The following AJAP1 variants were observed in gnomAD, a reference collection of about 807,000 sequenced individuals.
AJAP1 encodes adherens junctions associated protein 1.
In AJAP1, 5 loss-of-function variants were observed where a neutral mutation model predicts 35.0. That is an observed-to-expected ratio of 0.14 (90% CI 0.07 to 0.30). The LOEUF (loss-of-function observed/expected upper bound fraction) is 0.30. Ranked by LOEUF, AJAP1 falls within the 10% of genes least tolerant of loss-of-function variation. AJAP1 has a pLI of 1.00. For synonymous variants in AJAP1, 284 were observed against 249.3 expected (o/e 1.14, Z -1.31); for missense variants, 586 against 571.0 (o/e 1.03, Z -0.27).
intron 1 of AJAP1, among the ~76,000 whole-genome samples, chr1:4,689,244 C>T (rs1302829921): frequency 1.3e-5 from 2 of 152,248 alleles, no homozygotes; most frequent in Admixed American, 6.5e-5. Context: ...ATCAGAACGA[C>T]GCGCCTGGTA....
chr1:4,673,448 T>G (rs1639290524), intron 1 of AJAP1, among the ~76,000 whole-genome samples: 2 of 152,220 alleles, frequency 1.3e-5, no homozygotes, highest in Non-Finnish European at 2.9e-5. Context: ...CTCATGCTTG[T>G]TTCCAAAATT....
intron 2 of AJAP1, among the ~76,000 whole-genome samples, chr1:4,735,052 C>T (rs555047101): frequency 8.5e-5 from 13 of 152,336 alleles, no homozygotes; most frequent in South Asian, 4.1e-4. Flanking sequence ...GTATGAGCTC[C>T]GCGTGCTTGG....
At chr1:4,769,792 C>T in intron 2 of AJAP1, 61 bp from the exon 3 acceptor site, 3 of 1,438,416 alleles carry the variant, frequency 2.1e-6, no homozygotes, top group Non-Finnish European at 2.9e-6. Context: ...CCTTTCCCGG[C>T]CCCCCTCGCC....
At chr1:4,739,405 G>A (rs913093565) in intron 2 of AJAP1, among the ~76,000 whole-genome samples, 3 of 152,208 alleles carry the variant, frequency 2.0e-5, no homozygotes, top group Non-Finnish European at 4.4e-5. Flanking sequence ...GAAGCCCACT[G>A]TTGGCAATGC....
intron 1 of AJAP1, among the ~76,000 whole-genome samples, chr1:4,677,277 C>G (rs1639382169): frequency 6.6e-6 from 1 of 152,096 alleles, no homozygotes; most frequent in Admixed American, 6.5e-5. Flanking sequence ...CCAAGGGGGA[C>G]CCGCCAGCAG....
intron 1 of AJAP1, among the ~76,000 whole-genome samples, chr1:4,677,803 C>G (rs1048356704): frequency 6.6e-6 from 1 of 152,168 alleles, no homozygotes; most frequent in Non-Finnish European, 1.5e-5. Flanking sequence ...CTAAATATAT[C>G]TCATAGGTGA....
At position 4,692,565 on chromosome 1, in the gene AJAP1, G is replaced by C. The variant is rs758361026; in HGVS notation, c.30-19335G>C. Among the ~76,000 whole-genome samples the C allele has an allele frequency of 1.3e-5, 2 of 152,206 alleles. No individual in the cohort carries two copies. The highest frequency in any genetic ancestry group is 2.9e-5 in the Non-Finnish European group (2 of 68,032). ...ATAGCTCAGCCCCAGCCTGGCCTCC[G>C]CAGGCCTCCTGACCATGGCGGGGCC... is the stretch of plus-strand genomic sequence containing the variant. On this transcript the variant is annotated intron_variant, in intron 1 of 5. Coordinates refer to ENST00000378191, the MANE Select transcript of AJAP1 (RefSeq NM_018836.4). This position sits in a 1 kb window ranked among gnomAD's most constrained non-coding sequence, Gnocchi z 4.4.
intron 1 of AJAP1, among the ~76,000 whole-genome samples, chr1:4,667,779 C>G (rs551382327): frequency 6.6e-6 from 1 of 152,150 alleles, no homozygotes; most frequent in Admixed American, 6.5e-5. Flanking sequence ...GTGAAGTCAT[C>G]GTCCCACCCA....
chr1:4,737,198 G>C lies in AJAP1; in HGVS notation c.829+24499G>C, dbSNP rs1485779687. 2.3e-4 allele frequency among the ~76,000 whole-genome samples: 35 copies of C among 152,090 alleles called. 1 individual carries two copies. The highest frequency in any genetic ancestry group is 2.3e-3 in the Admixed American group (35 of 15,268). ...GGATGGGCACCCCTGGGATGGGAAGGTTCTCACCAAACCCAGGCTGGGAGG... is the reference window on the plus strand; with the variant it reads ...GGATGGGCACCCCTGGGATGGGAAGCTTCTCACCAAACCCAGGCTGGGAGG... On this transcript the variant is annotated intron_variant, in intron 2 of 5. Transcript: ENST00000378191.
At chr1:4,752,183 GGA>G (rs534042794) in intron 2 of AJAP1, among the ~76,000 whole-genome samples, 10 of 151,310 alleles carry the variant, frequency 6.6e-5, no homozygotes, top group South Asian at 6.3e-4. Flanking sequence ...GGAGGAGGGA[GGA>G]GAGAGAGGAG....
At chr1:4,659,956 G>A (rs752386255) in intron 1 of AJAP1, among the ~76,000 whole-genome samples, 4 of 152,066 alleles carry the variant, frequency 2.6e-5, no homozygotes, top group Non-Finnish European at 2.9e-5. Flanking sequence ...TGCATAAACC[G>A]CCCCTTAATC....
chr1:4,765,474 A>AGAGAGACATGAGTGAAGAAG (rs3834053), intron 2 of AJAP1, among the ~76,000 whole-genome samples: 71,538 of 148,420 alleles, frequency 0.48, 17,965 homozygotes, highest in African/African-American at 0.59. Context: ...GAGAGTATTG[A>AGAGAGACATGAGTGAAGAAG]GAGAGACATG....
At chr1:4,741,940 A>G (rs556084486) in intron 2 of AJAP1, among the ~76,000 whole-genome samples, 20 of 152,394 alleles carry the variant, frequency 1.3e-4, no homozygotes, top group African/African-American at 3.4e-4. Flanking sequence ...TCTAACTCAC[A>G]TAATAAAGTG....
At position 4,734,239 on chromosome 1, in the gene AJAP1, C is replaced by T. The variant is rs750201266; in HGVS notation, c.829+21540C>T. 3.3e-5 allele frequency among the ~76,000 whole-genome samples: 5 copies of T among 152,136 alleles called. No homozygotes were observed. The highest frequency in any genetic ancestry group is 5.9e-5 in the Non-Finnish European group (4 of 68,038). ...TGAAAGGAGTGCCTCAGCTGAGCCC[C>T]GGAATAGGAAGGGCCTGCCCTACTG... On this transcript the variant is annotated intron_variant, in intron 2 of 5. Transcript: ENST00000378191. The surrounding 1 kb of genome is among the most constrained non-coding windows in gnomAD (Gnocchi z 4.3).
At chr1:4,705,394 GC>G (rs1640078993) in intron 1 of AJAP1, among the ~76,000 whole-genome samples, 1 of 66,918 alleles carries the variant, frequency 1.5e-5, no homozygotes, top group Admixed American at 2.0e-4. Context: ...GTTTTGAAGA[GC>G]TTTTTTTTTT....
chr1:4,663,800 T>C (rs1440787992), intron 1 of AJAP1, among the ~76,000 whole-genome samples: 1 of 152,070 alleles, frequency 6.6e-6, no homozygotes, highest in Non-Finnish European at 1.5e-5. Context: ...GGATTCTGAG[T>C]TCTTCTGGGG....
At chr1:4,740,397 T>TGGGGGGGGGGGGGGGGGGGGGGGG (rs1553159528) in intron 2 of AJAP1, among the ~76,000 whole-genome samples, 1 of 142,914 alleles carries the variant, frequency 7.0e-6, no homozygotes, top group South Asian at 2.2e-4. Context: ...GGGGACAGAG[T>TGGGGGGGGGGGGGGGGGGGGGGGG]TTCAGTTTTG....
intron 2 of AJAP1, among the ~76,000 whole-genome samples, chr1:4,728,954 T>A (rs1316898975): frequency 6.6e-6 from 1 of 152,022 alleles, no homozygotes; most frequent in East Asian, 1.9e-4. Flanking sequence ...AGACCACACA[T>A]CCATGTTTCC....
At chr1:4,700,902 C>T (rs970061832) in intron 1 of AJAP1, among the ~76,000 whole-genome samples, 1 of 152,202 alleles carries the variant, frequency 6.6e-6, no homozygotes, top group Non-Finnish European at 1.5e-5. Context: ...TGGAATTGTC[C>T]TGCAGGAGGG....
Sources: gnomAD v4.1 joint callset for allele counts (sites outside exome capture counted in the v4.1 genomes callset) on GRCh38, gnomAD v4.1.1 for gene constraint, Gnocchi (gnomAD v3.1) non-coding constraint, MANE v1.5 for transcripts, NCBI Gene and HGNC (gene_info 2026-07-23, HGNC 2026-07-21) for gene names.